Variants in GABBR2 observed in about 807,000 individuals in gnomAD.
GABBR2 encodes gamma-aminobutyric acid type B receptor subunit 2.
In GABBR2, 23 loss-of-function variants were observed where a neutral mutation model predicts 105.6. The observed-to-expected ratio is 0.22, with a 90% CI of 0.16 to 0.31. GABBR2 has a LOEUF of 0.31. GABBR2 is among the 10% of genes least tolerant of loss of function. The probability of loss-of-function intolerance (pLI) is 1.00; values close to 1 mark genes in which losing one functional copy is unlikely to be tolerated. For synonymous variants in GABBR2, 478 were observed against 499.7 expected (o/e 0.96, Z 0.58); for missense variants, 734 against 1,245.5 (o/e 0.59, Z 6.18).
At chr9:98,573,351 T>C (rs998302374) in intron 2 of GABBR2, among the ~76,000 whole-genome samples, 1 of 152,212 alleles carries the variant, frequency 6.6e-6, no homozygotes, top group Non-Finnish European at 1.5e-5. Flanking sequence ...GGCATGATCA[T>C]AGCTCACTAC....
intron 12 of GABBR2, among the ~76,000 whole-genome samples, chr9:98,370,022 C>T (rs1305383960): frequency 6.6e-6 from 1 of 152,140 alleles, no homozygotes; most frequent in Admixed American, 6.5e-5. Context: ...TGTCCGACTC[C>T]TGCTTGAGAA....
chr9:98,504,566 C>T (rs775381904), intron 3 of GABBR2, among the ~76,000 whole-genome samples: 10 of 152,206 alleles, frequency 6.6e-5, no homozygotes, highest in Non-Finnish European at 8.8e-5. Flanking sequence ...GAGAGCAAAG[C>T]GAATTCTCAG....
chr9:98,483,986 A>G (rs986813367), intron 4 of GABBR2, among the ~76,000 whole-genome samples: 2 of 152,216 alleles, frequency 1.3e-5, no homozygotes, highest in African/African-American at 2.4e-5. Context: ...GAAGTGAATT[A>G]ATCCAGTGTG....
chr9:98,305,057 G>A (rs530474126), intron 15 of GABBR2, among the ~76,000 whole-genome samples: 48 of 152,212 alleles, frequency 3.2e-4, no homozygotes, highest in African/African-American at 1.1e-3. Context: ...ACAGGCACGA[G>A]CCACCATGCC....
chr9:98,476,510 C>T (rs948162842), intron 5 of GABBR2, among the ~76,000 whole-genome samples: 2 of 152,144 alleles, frequency 1.3e-5, no homozygotes, highest in African/African-American at 2.4e-5. Flanking sequence ...GAAAGCAAAG[C>T]CTGCCTCACT....
At chr9:98,360,911 C>A (rs1831571072) in intron 13 of GABBR2, among the ~76,000 whole-genome samples, 1 of 152,296 alleles carries the variant, frequency 6.6e-6, no homozygotes, top group South Asian at 2.1e-4. Flanking sequence ...GCCTCCCTAG[C>A]CCACTGTTGG....
At chr9:98,625,436 CTG>C (rs1247788251) in intron 1 of GABBR2, among the ~76,000 whole-genome samples, 1 of 152,234 alleles carries the variant, frequency 6.6e-6, no homozygotes, top group Non-Finnish European at 1.5e-5. Flanking sequence ...GCCCTGAGAG[CTG>C]TGTCAGGAGA....
chr9:98,498,651 G>T (rs1943995371), intron 3 of GABBR2, among the ~76,000 whole-genome samples: 1 of 152,230 alleles, frequency 6.6e-6, no homozygotes, highest in South Asian at 2.1e-4. Context: ...CTGAATGCTT[G>T]AAATGCCTTG....
At chr9:98,625,827 G>T (rs1829729616) in intron 1 of GABBR2, among the ~76,000 whole-genome samples, 2 of 152,182 alleles carry the variant, frequency 1.3e-5, no homozygotes, top group Middle Eastern at 3.2e-3. Flanking sequence ...AAGAAGCAGG[G>T]ACTGGTTCCT....
At chr9:98,375,435 T>C (rs1430059212) in intron 11 of GABBR2, 2 of 152,156 alleles carry the variant, frequency 1.3e-5, no homozygotes, top group African/African-American at 4.8e-5. Flanking sequence ...TCTATCTGAT[T>C]ACCTGTCTGC....
At chr9:98,390,746 G>A (rs1026640802) in intron 9 of GABBR2, among the ~76,000 whole-genome samples, 1 of 152,164 alleles carries the variant, frequency 6.6e-6, no homozygotes. Flanking sequence ...GCATCTGTGA[G>A]ATCCTGGCTG....
chr9:98,336,421 T>C (rs187470909), intron 13 of GABBR2, among the ~76,000 whole-genome samples: 6 of 152,318 alleles, frequency 3.9e-5, no homozygotes, highest in Admixed American at 3.9e-4. Flanking sequence ...AAAAAAGATA[T>C]CTGGCTGGGC....
chr9:98,354,000 A>G lies in GABBR2; in HGVS notation c.1893+8715T>C, dbSNP rs112415833. 2.6e-3 allele frequency among the ~76,000 whole-genome samples: 402 copies of G among 152,324 alleles called. 2 individuals carry two copies. The highest frequency in any genetic ancestry group is 4.7e-3 in the Non-Finnish European group (321 of 68,028). ...TCCTGAGGCCTTCCCAGCAATGCAG[A>G]ACTGTGAGTCAATTAAACCTCTTTC... On this transcript the variant is annotated intron_variant, in intron 13 of 18. Transcript: ENST00000259455.
intron 1 of GABBR2, among the ~76,000 whole-genome samples, chr9:98,584,244 G>C (rs1323381602): frequency 6.6e-6 from 1 of 152,056 alleles, no homozygotes. Context: ...AGTTCAAACT[G>C]TCATGCAATA....
At chr9:98,683,098 C>A (rs991965261) in intron 1 of GABBR2, among the ~76,000 whole-genome samples, 118 of 152,070 alleles carry the variant, frequency 7.8e-4, no homozygotes, top group Non-Finnish European at 1.8e-4. Flanking sequence ...CTCTTTCCCC[C>A]CTCCACCTCC....
intron 11 of GABBR2, among the ~76,000 whole-genome samples, chr9:98,385,325 C>T (rs113246471): frequency 0.014 from 2,201 of 152,264 alleles, 52 homozygotes; most frequent in African/African-American, 0.05. Flanking sequence ...TCCTCAGCCT[C>T]CTGAGAAGAT....
chr9:98,681,471 A>G, intron 1 of GABBR2, among the ~76,000 whole-genome samples: 1 of 150,258 alleles, frequency 6.7e-6, no homozygotes. Flanking sequence ...TAGCATTGGG[A>G]GATATAACTA....
At chr9:98,402,053 C>G (rs1220540285) in intron 8 of GABBR2, among the ~76,000 whole-genome samples, 7 of 152,116 alleles carry the variant, frequency 4.6e-5, no homozygotes, top group African/African-American at 1.4e-4. Flanking sequence ...AAGGAAGACC[C>G]CTTCCCTTCA....
intron 16 of GABBR2, among the ~76,000 whole-genome samples, chr9:98,301,199 G>A (rs1218275648): frequency 1.3e-5 from 2 of 152,192 alleles, no homozygotes; most frequent in African/African-American, 4.8e-5. Flanking sequence ...AAGTTCCAGA[G>A]GCCTGACTTA....
Sources: gnomAD v4.1 joint callset for allele counts (sites outside exome capture counted in the v4.1 genomes callset) on GRCh38, gnomAD v4.1.1 for gene constraint, MANE v1.5 for transcripts, NCBI Gene and HGNC (gene_info 2026-07-23, HGNC 2026-07-21) for gene names.